NT5C2: variants seen among roughly 807,000 people sequenced by gnomAD.
NT5C2 encodes 5'-nucleotidase, cytosolic II, also known as cytosolic purine 5'-nucleotidase.
Under a neutral mutation model 76.1 loss-of-function variants are expected in NT5C2, and 58 were observed. The ratio of observed to expected loss-of-function variants is 0.76; its 90% CI spans 0.62 to 0.95. The LOEUF (loss-of-function observed/expected upper bound fraction) is 0.95. Among genes scored for constraint, NT5C2 ranks in the 40% least tolerant of loss-of-function variants. The pLI is 0.00. For missense variants in NT5C2, 478 were observed against 690.3 expected (o/e 0.69, Z 3.45); for synonymous variants, 229 against 237.4 (o/e 0.96, Z 0.32).
chr10:103,188,345 A>G (rs963547436), intron 1 of NT5C2, among the ~76,000 whole-genome samples: 13 of 152,182 alleles, frequency 8.5e-5, no homozygotes, highest in African/African-American at 2.9e-4. Flanking sequence ...GCGACAGTGC[A>G]AAAATCAAAA....
At chr10:103,129,287 C>T (rs1223926554) in intron 4 of NT5C2, among the ~76,000 whole-genome samples, 4 of 111,844 alleles carry the variant, frequency 3.6e-5, no homozygotes, top group Non-Finnish European at 3.9e-5. Context: ...CCGCCCCGTC[C>T]GGGAGGGAGG....
intron 4 of NT5C2, among the ~76,000 whole-genome samples, chr10:103,134,754 C>A (rs936231531): frequency 6.6e-6 from 1 of 152,214 alleles, no homozygotes; most frequent in African/African-American, 2.4e-5. Flanking sequence ...ACACCCAACA[C>A]CAGCCTGTGA....
intron 2 of NT5C2, chr10:103,175,497 C>T (rs1383230418): frequency 1.2e-5 from 2 of 164,984 alleles, no homozygotes; most frequent in Non-Finnish European, 2.6e-5. Flanking sequence ...CCCCGCTGTA[C>T]TACCCCAAGG....
chr10:103,097,987 T>C (rs2068618593), intron 10 of NT5C2: 4 of 518,410 alleles, frequency 7.7e-6, no homozygotes, highest in Non-Finnish European at 1.6e-5. Flanking sequence ...GTGTTCTTTC[T>C]TGAAATAAGG....
intron 4 of NT5C2, among the ~76,000 whole-genome samples, chr10:103,131,999 G>A (rs2078266752): frequency 6.6e-6 from 1 of 152,114 alleles, no homozygotes; most frequent in Non-Finnish European, 1.5e-5. Context: ...CCAGCACTTT[G>A]GGAGGCTGAG....
At chr10:103,152,068 C>T (rs1470663796) in intron 3 of NT5C2, among the ~76,000 whole-genome samples, 7 of 152,112 alleles carry the variant, frequency 4.6e-5, no homozygotes, top group Admixed American at 6.5e-5. Flanking sequence ...ACTTTAACCG[C>T]GTCTAGAAAT....
In NT5C2 at chr10:103,149,146, C is replaced by T. The variant is rs554593347; in HGVS notation, c.102-9667G>A. ...TACTATCAGGATGGTTGATATTTTC[C>T]CCAGGTGACCGAAAGAAGCGAAAGC... On this transcript the variant is annotated intron_variant, in intron 3 of 18. Transcript: ENST00000404739. 1.7e-4 allele frequency among the ~76,000 whole-genome samples: 26 copies of T among 152,010 alleles called. No individual in the cohort carries two copies. In the East Asian group the frequency reaches 5.0e-3, roughly 29 times the overall value.
chr10:103,090,743 G>A lies in NT5C2; in HGVS notation c.1317C>T (p.Ser439=). The A allele has an allele frequency of 6.2e-7, 1 of 1,614,154 alleles. No homozygotes were observed. The highest frequency in any genetic ancestry group is 8.5e-7 in the Non-Finnish European group (1 of 1,180,026). The stretch of plus-strand genomic sequence containing the variant: ...TCTGCCGGGAGCCACTGCGAAACAG[G>A]CTTCCCATCATCCCATAGCACATGT... ...DMDMCYGMMG[S]LFRSGSRQTL... is the part of the protein sequence containing the mutation. Residue 439 remains serine (S), a synonymous_variant, in exon 18 of 19, where the codon AGC becomes AGT. Coordinates refer to ENST00000404739, the MANE Select transcript of NT5C2 (RefSeq NM_001351169.2).
At chr10:103,168,212 C>T (rs1226379636) in intron 3 of NT5C2, among the ~76,000 whole-genome samples, 1 of 151,730 alleles carries the variant, frequency 6.6e-6, no homozygotes, top group African/African-American at 2.4e-5. Flanking sequence ...AGGCAAAAGA[C>T]TGGTTAACAA....
chr10:103,088,606 C>T lies in NT5C2; in HGVS notation c.*1066G>A, dbSNP rs924206692. On this transcript the variant is annotated 3_prime_UTR_variant, in exon 19 of 19. Transcript: ENST00000404739. Reference sequence around the variant, plus strand: ...TTCTCCATGTTGGTAAGGCTGGTCTCGAACTCCCGACCTCAGGTGATCCGC... The same window carrying T: ...TTCTCCATGTTGGTAAGGCTGGTCTTGAACTCCCGACCTCAGGTGATCCGC... 6.2e-5 allele frequency: 10 copies of T among 160,420 alleles called. No individual in the cohort carries two copies. The highest frequency in any genetic ancestry group is 1.3e-4 in the Admixed American group (2 of 15,438). 9.9% of individuals were successfully genotyped at this position (160,420 alleles called of 1,614,324 possible). A position where few individuals can be genotyped will look rare whatever the true frequency, so the allele number is the denominator to read the frequency against.
At position 103,174,394 on chromosome 10, in the gene NT5C2, G is replaced by A. The variant is rs151241673; in HGVS notation, c.101+464C>T. Reference sequence around the variant, plus strand: ...CACTCCAGCCTAGGCAACAGAGTGAGACTCTGTCTCAAAAAAGAAAACAAA... The same window carrying A: ...CACTCCAGCCTAGGCAACAGAGTGAAACTCTGTCTCAAAAAAGAAAACAAA... On this transcript the variant is annotated intron_variant, in intron 3 of 18. Coordinates refer to ENST00000404739, the MANE Select transcript of NT5C2 (RefSeq NM_001351169.2). Among the ~76,000 whole-genome samples the A allele has an allele frequency of 2.1e-3, 326 of 152,254 alleles. 2 individuals carry two copies. Among genetic ancestry groups the A allele is most frequent in the African/African-American group, 7.4e-3 (308 of 41,570 alleles).
chr10:103,137,570 T>C (rs2079536796), intron 4 of NT5C2, among the ~76,000 whole-genome samples: 1 of 152,360 alleles, frequency 6.6e-6, no homozygotes, highest in South Asian at 2.1e-4. Context: ...TAATTTGAGA[T>C]GGACAAATTA....
intron 4 of NT5C2, among the ~76,000 whole-genome samples, chr10:103,129,712 A>T (rs2077637502): frequency 1.1e-5 from 1 of 93,708 alleles, no homozygotes. Context: ...GGAAGTGAGG[A>T]GCCCCTCTGC....
chr10:103,178,503 G>A (rs1228974680), intron 2 of NT5C2, among the ~76,000 whole-genome samples: 2 of 152,064 alleles, frequency 1.3e-5, no homozygotes, highest in African/African-American at 4.8e-5. Flanking sequence ...GGTTGAAGCA[G>A]AGCTTGCAGT....
chr10:103,096,872 GAT>G (rs2068343634), intron 11 of NT5C2, among the ~76,000 whole-genome samples: 1 of 108,550 alleles, frequency 9.2e-6, no homozygotes, highest in Non-Finnish European at 1.9e-5. Flanking sequence ...AAAAAAAAAA[GAT>G]ATATAAATTT....
chr10:103,148,002 A>C (rs1163595509), intron 3 of NT5C2, among the ~76,000 whole-genome samples: 2 of 152,108 alleles, frequency 1.3e-5, no homozygotes, highest in African/African-American at 4.8e-5. Context: ...GCTGTTATTA[A>C]AAAAAAGTAA....
chr10:103,158,373 A>G (rs2133988679), intron 3 of NT5C2, among the ~76,000 whole-genome samples: 1 of 152,246 alleles, frequency 6.6e-6, no homozygotes, highest in East Asian at 1.9e-4. Flanking sequence ...CAGAAATAAT[A>G]TATTACAGAT....
In NT5C2 at chr10:103,093,874, T is replaced by C. The variant is rs1220820655; in HGVS notation, c.988+98A>G. 7 of 884,214 alleles carry C rather than the reference T, an allele frequency of 7.9e-6. 1 individual carries two copies. The highest frequency in any genetic ancestry group is 1.3e-5 in the Non-Finnish European group (7 of 528,146). 54.8% of individuals were successfully genotyped at this position (884,214 alleles called of 1,614,324 possible). On this transcript the variant is annotated intron_variant, in intron 14 of 18. Coordinates refer to ENST00000404739, the MANE Select transcript of NT5C2 (RefSeq NM_001351169.2). ...ACCTTCAGTAGATGACATCTTAGACTACTAAACAGTATATGTGGCACTTTG... is the reference window on the plus strand; with the variant it reads ...ACCTTCAGTAGATGACATCTTAGACCACTAAACAGTATATGTGGCACTTTG...
At chr10:103,129,079 G>A (rs1591208988) in intron 4 of NT5C2, among the ~76,000 whole-genome samples, 2 of 128,954 alleles carry the variant, frequency 1.6e-5, no homozygotes, top group African/African-American at 5.8e-5. Flanking sequence ...GGAGGTGGGG[G>A]GGTCAGCCCC....
Sources: gnomAD v4.1 joint callset for allele counts (sites outside exome capture counted in the v4.1 genomes callset) on GRCh38, gnomAD v4.1.1 for gene constraint, MANE v1.5 for transcripts, NCBI Gene and HGNC (gene_info 2026-07-23, HGNC 2026-07-21) for gene names.